MECOM: variants seen among roughly 807,000 people sequenced by gnomAD.
The protein encoded by MECOM is MDS1 and EVI1 complex locus.
MECOM carries 13 observed loss-of-function variants against 116.3 expected under a neutral mutation model. The ratio of observed to expected loss-of-function variants is 0.11; its 90% CI spans 0.07 to 0.18. The LOEUF (loss-of-function observed/expected upper bound fraction) is 0.18, where lower values mean the gene tolerates loss of function less well. Ranked by LOEUF, MECOM falls within the 10% of genes least tolerant of loss-of-function variation. The pLI is 1.00. For missense variants in MECOM, 1,299 were observed against 1,509.0 expected, an observed-to-expected ratio of 0.86 and a Z score of 2.31; for synonymous variants, 528 against 535.2, an observed-to-expected ratio of 0.99 and a Z score of 0.19.
intron 1 of MECOM, among the ~76,000 whole-genome samples, chr3:169,408,463 G>A (rs192725377): frequency 2.0e-5 from 3 of 152,236 alleles, no homozygotes; most frequent in African/African-American, 7.2e-5. Context: ...ACAGGGACCA[G>A]GAATTAATAT....
intron 2 of MECOM, among the ~76,000 whole-genome samples, chr3:169,196,581 G>A (rs141348024): frequency 2.0e-5 from 3 of 151,972 alleles, no homozygotes; most frequent in Admixed American, 2.0e-4. Flanking sequence ...GGTAATAAGG[G>A]CAAAACAAGA....
chr3:169,282,647 C>G (rs1022012635), intron 2 of MECOM, among the ~76,000 whole-genome samples: 5 of 152,024 alleles, frequency 3.3e-5, no homozygotes, highest in African/African-American at 9.7e-5. Context: ...AGTAAAAGGC[C>G]AAACAAGATG....
At chr3:169,302,488 G>A (rs755832767) in intron 2 of MECOM, among the ~76,000 whole-genome samples, 3 of 152,162 alleles carry the variant, frequency 2.0e-5, no homozygotes, top group South Asian at 2.1e-4. Flanking sequence ...TATAATTATC[G>A]CCTGGTTAAT....
At chr3:169,404,834 G>C (rs945900020) in intron 1 of MECOM, among the ~76,000 whole-genome samples, 3 of 152,080 alleles carry the variant, frequency 2.0e-5, no homozygotes, top group Admixed American at 6.5e-5. Flanking sequence ...TATTCTAATC[G>C]AGCCCCCAGA....
intron 2 of MECOM, among the ~76,000 whole-genome samples, chr3:169,211,350 A>G (rs1482885147): frequency 6.6e-6 from 1 of 152,098 alleles, no homozygotes; most frequent in Non-Finnish European, 1.5e-5. Flanking sequence ...ACACACAAAC[A>G]AAAACACCCT....
intron 2 of MECOM, among the ~76,000 whole-genome samples, chr3:169,335,508 G>A (rs1036372035): frequency 1.3e-5 from 2 of 152,072 alleles, no homozygotes; most frequent in East Asian, 1.9e-4. Context: ...GAACTTTTAC[G>A]AAATGGGCAA....
At chr3:169,483,202 A>ATTTTTTTTTTTTT (rs200735642) in intron 1 of MECOM, among the ~76,000 whole-genome samples, 2 of 102,982 alleles carry the variant, frequency 1.9e-5, no homozygotes, top group South Asian at 3.0e-4. Context: ...TTTTATTTTT[A>ATTTTTTTTTTTTT]TTTTTTTTTT....
In MECOM at chr3:169,616,669, AC is replaced by A. The variant is rs143509354; in HGVS notation, c.37+46666del. 0.016 allele frequency among the ~76,000 whole-genome samples: 2,384 copies of A among 152,328 alleles called. 214 individuals carry two copies. The East Asian group carries it at 0.28, about 18-fold the overall frequency. On this transcript the variant is annotated intron_variant, in intron 1 of 16. Coordinates refer to ENST00000651503, the MANE Select transcript of MECOM (RefSeq NM_004991.4). ...TATTCCTTATAGTTGAAAAGCAGTA[AC>A]AAAGATTTCGGCTTCACTGAAAGAA...
chr3:169,429,867 C>A (rs1426002947), intron 1 of MECOM, among the ~76,000 whole-genome samples: 1 of 152,136 alleles, frequency 6.6e-6, no homozygotes, highest in Non-Finnish European at 1.5e-5. Context: ...AACAACAAAG[C>A]AAGAGGAATG....
At chr3:169,097,230 A>G (rs1721818084) in intron 12 of MECOM, among the ~76,000 whole-genome samples, 1 of 152,134 alleles carries the variant, frequency 6.6e-6, no homozygotes. Context: ...GCTTGCACAC[A>G]AAGGGTCTTT....
chr3:169,131,321 T>C (rs977475552), intron 4 of MECOM, 108 bp downstream of exon 4: 7 of 974,392 alleles, frequency 7.2e-6, no homozygotes, highest in African/African-American at 3.2e-5. Context: ...GAAACTGACA[T>C]TGAAAAGCCA....
intron 1 of MECOM, among the ~76,000 whole-genome samples, chr3:169,420,390 A>C (rs1311586856): frequency 6.6e-6 from 1 of 152,108 alleles, no homozygotes; most frequent in Non-Finnish European, 1.5e-5. Context: ...TTAAATTCCC[A>C]TGGTAAGTTG....
intron 10 of MECOM, among the ~76,000 whole-genome samples, chr3:169,107,616 C>T (rs1294799536): frequency 6.6e-6 from 1 of 152,148 alleles, no homozygotes; most frequent in African/African-American, 2.4e-5. Flanking sequence ...CACTTAGTGA[C>T]CCATTTCGAA....
chr3:169,356,465 T>A (rs1727295506), intron 2 of MECOM, among the ~76,000 whole-genome samples: 1 of 151,874 alleles, frequency 6.6e-6, no homozygotes, highest in Admixed American at 6.6e-5. Context: ...CTTGTCACAT[T>A]TCACTGACTG....
At chr3:169,581,660 T>G (rs1180436050) in intron 1 of MECOM, among the ~76,000 whole-genome samples, 1 of 152,126 alleles carries the variant, frequency 6.6e-6, no homozygotes, top group African/African-American at 2.4e-5. Flanking sequence ...TATTTGAATG[T>G]CTGGGGAGCT....
intron 1 of MECOM, chr3:169,623,890 A>G (rs1305888415): frequency 6.6e-6 from 1 of 152,186 alleles, no homozygotes; most frequent in African/African-American, 2.4e-5. Context: ...TTATTCCTTA[A>G]CATATTTCCC....
chr3:169,106,837 C>T (rs919678713), intron 10 of MECOM, among the ~76,000 whole-genome samples: 1 of 152,058 alleles, frequency 6.6e-6, no homozygotes, highest in Non-Finnish European at 1.5e-5. Context: ...AAATGTAGGC[C>T]AGGATAATCA....
At chr3:169,411,298 G>A (rs1737515832) in intron 1 of MECOM, among the ~76,000 whole-genome samples, 1 of 152,102 alleles carries the variant, frequency 6.6e-6, no homozygotes, top group African/African-American at 2.4e-5. Flanking sequence ...AAAACCGAAA[G>A]GAAAGATATT....
At chr3:169,220,816 C>T (rs1188403195) in intron 2 of MECOM, among the ~76,000 whole-genome samples, 3 of 152,106 alleles carry the variant, frequency 2.0e-5, no homozygotes, top group Non-Finnish European at 4.4e-5. Context: ...TGTCTTTTCT[C>T]ACCAGTAGAA....
Sources: allele counts gnomAD v4.1 joint callset (sites outside exome capture counted in the v4.1 genomes callset), GRCh38; gene constraint gnomAD v4.1.1; transcripts MANE v1.5; gene names NCBI Gene and HGNC (gene_info 2026-07-23, HGNC 2026-07-21).